ABCB4: variants seen among roughly 807,000 people sequenced by gnomAD.
ABCB4 encodes ATP binding cassette subfamily B member 4, also known as phosphatidylcholine translocator ABCB4.
Under a neutral mutation model 145.7 loss-of-function variants are expected in ABCB4, and 76 were observed. The ratio of observed to expected loss-of-function variants is 0.52; its 90% CI spans 0.43 to 0.63. The LOEUF (loss-of-function observed/expected upper bound fraction) is 0.63, where lower values mean the gene tolerates loss of function less well. ABCB4 is among the 30% of genes least tolerant of loss of function. ABCB4 has a pLI of 0.00. For synonymous variants in ABCB4, 517 were observed against 566.8 expected (o/e 0.91, Z 1.25); for missense variants, 1,234 against 1,553.1 (o/e 0.79, Z 3.45).
intron 25 of ABCB4, 141 bp downstream of exon 25, chr7:87,407,896 G>GCCCAGATATTTC: frequency 1.0e-6 from 1 of 999,686 alleles, no homozygotes; most frequent in Non-Finnish European, 1.5e-6. Context: ...CAGATATGGT[G>GCCCAGATATTTC]CCAGTTGGGG....
chr7:87,469,552 A>G (rs1813206367), intron 3 of ABCB4, among the ~76,000 whole-genome samples: 1 of 152,258 alleles, frequency 6.6e-6, no homozygotes. Context: ...ATGTGCAAAA[A>G]TCACAAGCAT....
the ABCB4 span, among the ~76,000 whole-genome samples, chr7:87,372,606 A>T: frequency 1.3e-5 from 2 of 152,104 alleles, no homozygotes; most frequent in East Asian, 1.9e-4. Context: ...TTTTTGCCTT[A>T]AAAAAACCCA....
chr7:87,436,013 A>T (rs1055833879), intron 14 of ABCB4, among the ~76,000 whole-genome samples: 1 of 152,202 alleles, frequency 6.6e-6, no homozygotes, highest in African/African-American at 2.4e-5. Context: ...GAAGAAAGAC[A>T]TTTTACTTAA....
In ABCB4 at chr7:87,453,124, T is replaced by C; in HGVS notation, c.356A>G (p.Tyr119Cys). 6.2e-7 allele frequency: 1 copy of C among 1,613,954 alleles called. No homozygotes were observed. The highest frequency in any genetic ancestry group is 1.1e-5 in the South Asian group (1 of 91,072). Residue 119 changes from tyrosine to cysteine, a missense_variant, in exon 6 of 28, where the codon TAC becomes TGC. Tyr to Cys is a radical substitution (Grantham distance 194, BLOSUM62 -2). Transcript: ENST00000649586. ...AACTCCAGCACCCAATCCTGAGTAGTAATATGCATATCTGAAAAAAAAGAG... is the reference window on the plus strand; with the variant it reads ...AACTCCAGCACCCAATCCTGAGTAGCAATATGCATATCTGAAAAAAAAGAG... ...LEEEMTRYAY[Y>C]YSGLGAGVLV...
intron 2 of ABCB4, 105 bp from the exon 3 acceptor site, chr7:87,472,780 A>G: frequency 1.2e-6 from 1 of 853,280 alleles, no homozygotes. Context: ...ATATTTTCAA[A>G]TATAAGAGTG....
Position 87,459,573 on chromosome 7 carries a change from A to G in ABCB4, c.286+3185T>C, listed in dbSNP as rs193295549. Reference sequence around the variant, plus strand: ...ATCTGATTTTTTTAACCCTGTGTAGAAGCCATTTAAAATTTTTTTTTTACT... The same window carrying G: ...ATCTGATTTTTTTAACCCTGTGTAGGAGCCATTTAAAATTTTTTTTTTACT... On this transcript the variant is annotated intron_variant, in intron 4 of 27. Coordinates refer to ENST00000649586, the MANE Select transcript of ABCB4 (RefSeq NM_000443.4). Among the ~76,000 whole-genome samples the G allele has an allele frequency of 2.3e-3, 351 of 152,232 alleles. 2 individuals are homozygous for G. Among genetic ancestry groups the G allele is most frequent in the African/African-American group, 7.8e-3 (325 of 41,528 alleles).
At chr7:87,403,944 G>A (rs1308944688) in intron 26 of ABCB4, among the ~76,000 whole-genome samples, 5 of 152,180 alleles carry the variant, frequency 3.3e-5, no homozygotes, top group Non-Finnish European at 7.4e-5. Context: ...GATTTTGAGA[G>A]AGCATTCTAG....
chr7:87,367,722 C>G, the ABCB4 span, among the ~76,000 whole-genome samples: 1 of 152,216 alleles, frequency 6.6e-6, no homozygotes, highest in East Asian at 1.9e-4. Context: ...TATCCTCTCT[C>G]TCTGCTGCTT....
At position 87,426,986 on chromosome 7, in the gene ABCB4, A is replaced by G. The variant is rs567080424; in HGVS notation, c.1894-66T>C. The G allele has an allele frequency of 1.7e-5, 17 of 1,023,050 alleles. 1 individual carries two copies. The South Asian group carries it at 2.1e-4, about 12-fold the overall frequency. The allele number at this position is 1,023,050 out of a possible 1,614,324, so 63.4% of individuals were successfully genotyped here. A position where few individuals can be genotyped will look rare whatever the true frequency, so the allele number is the denominator to read the frequency against. Reference sequence around the variant, plus strand: ...GTGTGTGTGTGTGTGTGTGTCTCCAAATGGATGTAACCTCCAAGTTTAGAA... The same window carrying G: ...GTGTGTGTGTGTGTGTGTGTCTCCAGATGGATGTAACCTCCAAGTTTAGAA... On this transcript the variant is annotated intron_variant, in intron 15 of 27. Coordinates refer to ENST00000649586, the MANE Select transcript of ABCB4 (RefSeq NM_000443.4).
the ABCB4 span, among the ~76,000 whole-genome samples, chr7:87,377,998 C>T: frequency 1.3e-5 from 2 of 152,178 alleles, no homozygotes; most frequent in South Asian, 4.2e-4. Context: ...TAGCTGTCTA[C>T]TAACTGTCTG....
In ABCB4 at chr7:87,459,742, A is replaced by G. The variant is rs76331237; in HGVS notation, c.286+3016T>C. Among the ~76,000 whole-genome samples the G allele has an allele frequency of 9.8e-3, 1,493 of 152,304 alleles. 7 individuals carry two copies. Among genetic ancestry groups the G allele is most frequent in the Non-Finnish European group, 0.011 (774 of 68,022 alleles). Reference sequence around the variant, plus strand: ...TCAGTTTCTCTACATTATTTCACAGATATTTTATGGACATATAAGTGCTTC... The same window carrying G: ...TCAGTTTCTCTACATTATTTCACAGGTATTTTATGGACATATAAGTGCTTC... On this transcript the variant is annotated intron_variant, in intron 4 of 27. Coordinates refer to ENST00000649586, the MANE Select transcript of ABCB4 (RefSeq NM_000443.4).
chr7:87,460,968 CTT>C (rs202078389), intron 4 of ABCB4, among the ~76,000 whole-genome samples: 1 of 151,090 alleles, frequency 6.6e-6, no homozygotes, highest in Non-Finnish European at 1.5e-5. Context: ...TCTTTAAAGA[CTT>C]TTTTTTTCTT....
intron 8 of ABCB4, among the ~76,000 whole-genome samples, chr7:87,448,405 G>A (rs367654853): frequency 2.0e-5 from 3 of 152,116 alleles, no homozygotes; most frequent in Non-Finnish European, 2.9e-5. Context: ...TTTTTATTGC[G>A]TAAAGCACCC....
chr7:87,455,838 C>T (rs1426983476), intron 4 of ABCB4, among the ~76,000 whole-genome samples: 2 of 152,058 alleles, frequency 1.3e-5, no homozygotes, highest in South Asian at 2.1e-4. Flanking sequence ...GTGTATCCTC[C>T]TTATCTTTTT....
chr7:87,371,993 CA>C, the ABCB4 span, among the ~76,000 whole-genome samples: 456 of 59,730 alleles, frequency 7.6e-3, 1 homozygote, highest in African/African-American at 0.026. Flanking sequence ...GACGCTGTCT[CA>C]AAAAAAAAAA....
At chr7:87,463,042 G>T in intron 3 of ABCB4, 134 bp from the exon 4 acceptor site, 1 of 737,924 alleles carries the variant, frequency 1.4e-6, no homozygotes, top group South Asian at 1.9e-5. Context: ...AGAAAAGGAG[G>T]CCTTCAAATC....
the ABCB4 span, among the ~76,000 whole-genome samples, chr7:87,384,236 AT>A: frequency 2.6e-5 from 4 of 152,000 alleles, no homozygotes; most frequent in Admixed American, 6.6e-5. Flanking sequence ...AGAAATGTCT[AT>A]TAAGATCATT....
Position 87,403,385 on chromosome 7 carries a change from C to T in ABCB4, c.3487-104G>A, listed in dbSNP as rs544430524. On this transcript the variant is annotated intron_variant, in intron 26 of 27. Transcript: ENST00000649586. ...TTAGAGTCAATAACAGTTTCTATAA[C>T]GTTGTTTCAACTTAACAGAGTGTTT... 30 of 1,141,584 alleles carry T rather than the reference C, an allele frequency of 2.6e-5. No individual in the cohort carries two copies. In the African/African-American group the frequency reaches 2.9e-4, roughly 11 times the overall value. 70.7% of individuals were successfully genotyped at this position (1,141,584 alleles called of 1,614,324 possible). A position where few individuals can be genotyped will look rare whatever the true frequency, so the allele number is the denominator to read the frequency against.
chr7:87,386,664 C>T, the ABCB4 span, among the ~76,000 whole-genome samples: 12 of 152,206 alleles, frequency 7.9e-5, no homozygotes, highest in East Asian at 5.8e-4. Context: ...GTGTCTGCAA[C>T]GAAAGGATAC....
Sources: gnomAD v4.1 joint callset for allele counts (sites outside exome capture counted in the v4.1 genomes callset) on GRCh38, gnomAD v4.1.1 for gene constraint, MANE v1.5 for transcripts, NCBI Gene and HGNC (gene_info 2026-07-23, HGNC 2026-07-21) for gene names.